The following PLA2G5 variants were observed in gnomAD, a reference collection of about 807,000 sequenced individuals.
PLA2G5 encodes Ca2+-dependent phospholipase A2.
In PLA2G5, 12 loss-of-function variants were observed where a neutral mutation model predicts 15.9. That is an observed-to-expected ratio of 0.76 (90% CI 0.48 to 1.23). The LOEUF is 1.23. Among genes scored for constraint, PLA2G5 ranks in the 50% most tolerant of loss-of-function variants. The probability of loss-of-function intolerance (pLI) is 0.00; values close to 1 mark genes in which losing one functional copy is unlikely to be tolerated. For synonymous variants in PLA2G5, 71 were observed against 71.4 expected (o/e 0.99, Z 0.03); for missense variants, 169 against 177.1 (o/e 0.95, Z 0.26).
chr1:20,041,051 CTGTGTCATGGG>C (rs1348041630), intron 1 of PLA2G5, among the ~76,000 whole-genome samples: 1 of 152,236 alleles, frequency 6.6e-6, no homozygotes, highest in East Asian at 1.9e-4. Context: ...CCTCCTGAGG[CTGTGTCATGGG>C]TGTGTGTCCT....
intron 1 of PLA2G5, among the ~76,000 whole-genome samples, chr1:20,038,437 G>A (rs915815518): frequency 6.6e-6 from 1 of 152,176 alleles, no homozygotes. Flanking sequence ...TGGGGATCAG[G>A]AATGCCCACA....
At chr1:20,047,839 A>C (rs2013991899) in intron 1 of PLA2G5, among the ~76,000 whole-genome samples, 1 of 152,012 alleles carries the variant, frequency 6.6e-6, no homozygotes, top group Non-Finnish European at 1.5e-5. Context: ...ATTTTCCTGT[A>C]ACATGCTAGA....
chr1:20,066,880 C>T (rs1251177573), upstream of PLA2G5, among the ~76,000 whole-genome samples: 2 of 152,166 alleles, frequency 1.3e-5, no homozygotes, highest in Admixed American at 6.5e-5. Context: ...GTGACATGTG[C>T]CTGTAGTCCG....
rs145976785 is a variant in PLA2G5 at position 20,055,795 on chromosome 1, A to G, written n.277-3837A>G. ...CCCATAATAAATCTCTCCTTCTTTA[A>G]TCTTCATAATGTTTCTGCTTCCCTG... On this transcript the variant is annotated intron_variant and non_coding_transcript_variant, in intron 1 of 6. Coordinates refer to the PLA2G5 transcript ENST00000460175. Among the ~76,000 whole-genome samples, 23 of 152,190 alleles carry G rather than the reference A, an allele frequency of 1.5e-4. No homozygotes were observed. In the East Asian group the frequency reaches 4.3e-3, roughly 28 times the overall value.
chr1:20,047,296 A>G (rs2013956453), intron 1 of PLA2G5, among the ~76,000 whole-genome samples: 1 of 152,160 alleles, frequency 6.6e-6, no homozygotes, highest in Non-Finnish European at 1.5e-5. Context: ...CCCACAAGCA[A>G]GCACACATTG....
chr1:20,084,848 A>G lies in PLA2G5; in HGVS notation c.18A>G (p.Pro6=), dbSNP rs763374630. 2 of 1,610,940 alleles carry G rather than the reference A, an allele frequency of 1.2e-6. No individual in the cohort carries two copies. Among genetic ancestry groups the G allele is most frequent in the African/African-American group, 2.7e-5 (2 of 74,920 alleles). ...CCCCAGAGATGAAAGGCCTCCTCCC[A>G]CTGGCTTGGTTCCTGGCTTGTAGTA... is the stretch of plus-strand genomic sequence containing the variant. MKGLL[P]LAWFLACSVP... Residue 6 remains proline, a synonymous_variant, in exon 2 of 5, where the codon CCA becomes CCG. Coordinates refer to ENST00000375108, the MANE Select transcript of PLA2G5 (RefSeq NM_000929.3).
At chr1:20,074,953 A>G (rs573113577) in intron 1 of PLA2G5, among the ~76,000 whole-genome samples, 4 of 152,198 alleles carry the variant, frequency 2.6e-5, no homozygotes, top group Admixed American at 2.0e-4. Flanking sequence ...GACACCTCCT[A>G]AGCCTCCTCA....
intron 1 of PLA2G5, among the ~76,000 whole-genome samples, chr1:20,034,437 T>C (rs192641222): frequency 2.0e-5 from 3 of 152,326 alleles, no homozygotes; most frequent in African/African-American, 7.2e-5. Context: ...GACTAGAGTA[T>C]GTGGGTTGGG....
At chr1:20,032,808 A>T (rs992105050) in intron 1 of PLA2G5, among the ~76,000 whole-genome samples, 1 of 152,160 alleles carries the variant, frequency 6.6e-6, no homozygotes, top group African/African-American at 2.4e-5. Flanking sequence ...GTTGGGAAAA[A>T]TGGGCAGTAA....
upstream of PLA2G5, among the ~76,000 whole-genome samples, chr1:20,067,128 T>C (rs61770037): frequency 0.062 from 9,469 of 152,154 alleles, 490 homozygotes; most frequent in East Asian, 0.25. Flanking sequence ...CCCAAGTAGC[T>C]GGACTACACG....
intron 1 of PLA2G5, among the ~76,000 whole-genome samples, chr1:20,055,411 G>T (rs2014385074): frequency 6.6e-6 from 1 of 152,192 alleles, no homozygotes; most frequent in South Asian, 2.1e-4. Flanking sequence ...ACAGACTGGT[G>T]CTTGGGTTTC....
chr1:20,072,511 G>A (rs1321382394), intron 1 of PLA2G5, among the ~76,000 whole-genome samples: 2 of 152,210 alleles, frequency 1.3e-5, no homozygotes, highest in East Asian at 3.8e-4. Flanking sequence ...GAGAAAGAGA[G>A]AGAGAGATTG....
At chr1:20,039,878 G>C (rs1434840311) in intron 1 of PLA2G5, among the ~76,000 whole-genome samples, 1 of 152,152 alleles carries the variant, frequency 6.6e-6, no homozygotes, top group East Asian at 1.9e-4. Flanking sequence ...GTAACCGTCT[G>C]TAATATATCT....
chr1:20,065,358 C>T (rs2014963400), upstream of PLA2G5, among the ~76,000 whole-genome samples: 1 of 152,110 alleles, frequency 6.6e-6, no homozygotes, highest in African/African-American at 2.4e-5. Context: ...TGTCATGTAT[C>T]CACCATCACC....
intron 1 of PLA2G5, among the ~76,000 whole-genome samples, chr1:20,043,943 A>G (rs888668637): frequency 2.6e-5 from 4 of 152,178 alleles, no homozygotes; most frequent in African/African-American, 7.2e-5. Context: ...TGGGCAGTGT[A>G]AGTCTTCAGC....
intron 1 of PLA2G5, among the ~76,000 whole-genome samples, chr1:20,047,718 TTGTGTGTGTGTGTGTGTGTGTG>T (rs57199460): frequency 6.8e-6 from 1 of 147,436 alleles, no homozygotes; most frequent in African/African-American, 2.5e-5. Context: ...TATAGGATCT[TTGTGTGTGTGTGTGTGTGTGTG>T]TGTGTGTGTG....
intron 1 of PLA2G5, among the ~76,000 whole-genome samples, chr1:20,031,208 GT>G (rs2012911414): frequency 6.6e-6 from 1 of 152,216 alleles, no homozygotes; most frequent in African/African-American, 2.4e-5. Flanking sequence ...TGAGATGTAG[GT>G]TTATTTTGGA....
chr1:20,029,350 CGTTCCTCCGCTGACAT>C (rs879407015), intron 1 of PLA2G5, among the ~76,000 whole-genome samples: 1,668 of 149,736 alleles, frequency 0.011, 29 homozygotes, highest in African/African-American at 0.038. Flanking sequence ...TCCCCTGATA[CGTTCCTCCGCTGACAT>C]GTTCCTCCGC....
At chr1:20,064,516 A>C (rs988820239) in intron 2 of PLA2G5, among the ~76,000 whole-genome samples, 8 of 151,880 alleles carry the variant, frequency 5.3e-5, no homozygotes, top group Non-Finnish European at 1.2e-4. Context: ...CGGAGGTTGC[A>C]GTGAGCTGAG....
Sources: allele counts gnomAD v4.1 joint callset (sites outside exome capture counted in the v4.1 genomes callset), GRCh38; gene constraint gnomAD v4.1.1; transcripts MANE v1.5; gene names NCBI Gene and HGNC (gene_info 2026-07-23, HGNC 2026-07-21).